NOX4: variants seen among roughly 807,000 people sequenced by gnomAD.
NOX4 encodes the protein NADPH oxidase 4.
In NOX4, 69 loss-of-function variants were observed where a neutral mutation model predicts 87.6. The observed-to-expected ratio is 0.79, with a 90% CI of 0.65 to 0.96. The LOEUF (loss-of-function observed/expected upper bound fraction) is 0.96, where lower values mean the gene tolerates loss of function less well. NOX4 is among the 40% of genes least tolerant of loss of function. The pLI, the probability that NOX4 is intolerant of heterozygous loss-of-function variation, is 0.00. For missense variants in NOX4, 680 were observed against 681.5 expected (o/e 1.00, Z 0.02); for synonymous variants, 275 against 238.2 (o/e 1.15, Z -1.42).
rs1377480180 is a variant in NOX4 at position 89,333,887 on chromosome 11, T to A, written c.1616+1958A>T. On this transcript the variant is annotated intron_variant, in intron 17 of 17. Transcript: ENST00000263317. ...CAAAGTCAAAGTGTTGTACAAAATG[T>A]CAACAGCAGATGGTGCACATTTGCT... Among the ~76,000 whole-genome samples, 5 of 151,886 alleles carry A rather than the reference T, an allele frequency of 3.3e-5. No individual in the cohort carries two copies. The South Asian group carries it at 8.3e-4, about 25-fold the overall frequency.
intron 2 of NOX4, among the ~76,000 whole-genome samples, chr11:89,454,018 T>C (rs1440736570): frequency 6.6e-6 from 1 of 152,134 alleles, no homozygotes; most frequent in African/African-American, 2.4e-5. Flanking sequence ...TCTTGTTCTT[T>C]TATCATTAAA....
chr11:89,585,468 T>G, the NOX4 span, among the ~76,000 whole-genome samples: 1 of 152,326 alleles, frequency 6.6e-6, no homozygotes, highest in Admixed American at 6.5e-5. Flanking sequence ...TTAAGCAAGC[T>G]TTCCCTATAA....
chr11:89,513,944 A>G, the NOX4 span, among the ~76,000 whole-genome samples: 1 of 152,178 alleles, frequency 6.6e-6, no homozygotes, highest in East Asian at 1.9e-4. Context: ...TTACCACGTT[A>G]TGACCCAACA....
intron 8 of NOX4, 113 bp downstream of exon 8, chr11:89,421,789 T>C: frequency 1.7e-6 from 1 of 588,290 alleles, no homozygotes; most frequent in Non-Finnish European, 3.0e-6. Context: ...GAGAAACTAT[T>C]TCTTTCACTC....
At chr11:89,438,522 T>C (rs1944217175) in intron 6 of NOX4, among the ~76,000 whole-genome samples, 1 of 92,526 alleles carries the variant, frequency 1.1e-5, no homozygotes, top group Non-Finnish European at 1.8e-5. Flanking sequence ...ATACTATATA[T>C]ACTATATATT....
At chr11:89,348,849 C>A (rs1338999812) in intron 13 of NOX4, among the ~76,000 whole-genome samples, 2 of 152,154 alleles carry the variant, frequency 1.3e-5, no homozygotes, top group African/African-American at 4.8e-5. Context: ...AGGGCATTTA[C>A]CTCTTTGAAT....
chr11:89,491,461 G>T (rs959548646), upstream of NOX4: 3 of 529,128 alleles, frequency 5.7e-6, 1 homozygote, highest in East Asian at 6.7e-5. Context: ...ACTCCCACCC[G>T]CACCGGGTCA....
chr11:89,332,416 G>A (rs1315418698), intron 17 of NOX4, among the ~76,000 whole-genome samples: 1 of 151,742 alleles, frequency 6.6e-6, no homozygotes, highest in African/African-American at 2.4e-5. Context: ...AAACTTCACA[G>A]CTCAAAACAG....
intron 13 of NOX4, among the ~76,000 whole-genome samples, chr11:89,350,433 A>T (rs1466475797): frequency 6.6e-6 from 1 of 152,158 alleles, no homozygotes; most frequent in African/African-American, 2.4e-5. Context: ...TTATAGGGAC[A>T]CTATGTTGAC....
intron 17 of NOX4, among the ~76,000 whole-genome samples, chr11:89,327,654 C>A (rs945392447): frequency 3.9e-5 from 6 of 152,042 alleles, no homozygotes; most frequent in African/African-American, 1.4e-4. Flanking sequence ...ATTAATATTT[C>A]ATCTCATATC....
chr11:89,372,110 G>T lies in NOX4; in HGVS notation c.1135+1322C>A, dbSNP rs891530658. On this transcript the variant is annotated intron_variant, in intron 12 of 17. Transcript: ENST00000263317. The stretch of plus-strand genomic sequence containing the variant: ...CTTCCCTGGTTTTTAGAGATATTAG[G>T]TTCTTCCTTCTAATGCTACCTTCTT... 5.4e-4 allele frequency among the ~76,000 whole-genome samples: 81 copies of T among 150,604 alleles called. 1 individual carries two copies. Among genetic ancestry groups the T allele is most frequent in the African/African-American group, 1.8e-3 (76 of 41,204 alleles).
chr11:89,527,397 T>C, the NOX4 span, among the ~76,000 whole-genome samples: 1 of 152,182 alleles, frequency 6.6e-6, no homozygotes, highest in African/African-American at 2.4e-5. Context: ...TGTGCATAAG[T>C]AATGAAGAGT....
intron 7 of NOX4, among the ~76,000 whole-genome samples, chr11:89,430,063 G>T (rs1165381250): frequency 6.6e-6 from 1 of 151,898 alleles, no homozygotes; most frequent in East Asian, 1.9e-4. Flanking sequence ...TGCAATCAAT[G>T]CATGTAATCC....
chr11:89,393,011 T>C (rs571479293), intron 11 of NOX4, among the ~76,000 whole-genome samples: 1 of 152,262 alleles, frequency 6.6e-6, no homozygotes, highest in East Asian at 1.9e-4. Flanking sequence ...TAAATTCTCC[T>C]TTCTCACAGT....
chr11:89,513,611 T>C, the NOX4 span, among the ~76,000 whole-genome samples: 2 of 152,202 alleles, frequency 1.3e-5, no homozygotes, highest in East Asian at 3.9e-4. Context: ...CTGTTTTTAA[T>C]CCATCGTATT....
At chr11:89,350,409 C>T (rs1946406756) in intron 13 of NOX4, among the ~76,000 whole-genome samples, 2 of 152,028 alleles carry the variant, frequency 1.3e-5, no homozygotes, top group African/African-American at 2.4e-5. Flanking sequence ...CTCTTGGTAA[C>T]AGGAAGTTAA....
chr11:89,443,664 A>G (rs945848548), intron 5 of NOX4: 2 of 153,622 alleles, frequency 1.3e-5, no homozygotes, highest in African/African-American at 2.4e-5. Context: ...AATTCGAGGA[A>G]TGTTTTTAAA....
chr11:89,460,819 G>A (rs986617912), intron 2 of NOX4, among the ~76,000 whole-genome samples: 2 of 152,080 alleles, frequency 1.3e-5, no homozygotes, highest in African/African-American at 2.4e-5. Flanking sequence ...TATATACCCA[G>A]AGGATTATGA....
intron 2 of NOX4, among the ~76,000 whole-genome samples, chr11:89,465,054 T>C (rs1479231382): frequency 6.6e-6 from 1 of 152,196 alleles, no homozygotes; most frequent in Non-Finnish European, 1.5e-5. Context: ...GTTTTTTACA[T>C]AGGTATACAC....
Sources: gnomAD v4.1 joint callset for allele counts (sites outside exome capture counted in the v4.1 genomes callset) on GRCh38, gnomAD v4.1.1 for gene constraint, MANE v1.5 for transcripts, NCBI Gene and HGNC (gene_info 2026-07-23, HGNC 2026-07-21) for gene names.